The following TACC2 variants were observed in gnomAD, a reference collection of about 807,000 sequenced individuals.
The protein encoded by TACC2 is transforming acidic coiled-coil-containing protein 2.
In TACC2, 137 loss-of-function variants were observed where a neutral mutation model predicts 227.3. The ratio of observed to expected loss-of-function variants is 0.60; its 90% CI spans 0.52 to 0.69. The LOEUF is 0.69. Among genes scored for constraint, TACC2 ranks in the 30% least tolerant of loss-of-function variants. The pLI is 0.00. For synonymous variants in TACC2, 1,523 were observed against 1,487.5 expected (o/e 1.02, Z -0.55); for missense variants, 3,470 against 3,694.4 (o/e 0.94, Z 1.57).
In TACC2 at chr10:122,087,455, C is replaced by T; in HGVS notation, c.4955C>T (p.Thr1652Ile). 2 of 1,614,080 alleles carry T rather than the reference C, an allele frequency of 1.2e-6. No individual in the cohort carries two copies. The highest frequency in any genetic ancestry group is 1.7e-6 in the Non-Finnish European group (2 of 1,180,040). Residue 1652 changes from threonine to isoleucine, a missense_variant, in exon 4 of 23, where the codon ACC becomes ATC. This residue lies in a region of TACC2 where 1,924 missense variants were observed against 1,978.3 expected (regional missense o/e 0.97). Transcript: ENST00000369005. Reference sequence around the variant, plus strand: ...CCTGAGGCCAACAGTGAGCCCTGGACCCTTGACACGCTTGGGGGTGAAAGG... The same window carrying T: ...CCTGAGGCCAACAGTGAGCCCTGGATCCTTGACACGCTTGGGGGTGAAAGG... ...TVPEANSEPW[T>I]LDTLGGERRP...
chr10:122,214,797 A>G (rs2095366942), intron 9 of TACC2, among the ~76,000 whole-genome samples: 1 of 152,162 alleles, frequency 6.6e-6, no homozygotes, highest in African/African-American at 2.4e-5. Flanking sequence ...AGAAGACAAA[A>G]AAAATCATCT....
chr10:122,128,000 A>G lies in TACC2; in HGVS notation c.5574-4609A>G, dbSNP rs182300537. 1.2e-3 allele frequency among the ~76,000 whole-genome samples: 189 copies of G among 152,290 alleles called. 1 individual carries two copies. Among genetic ancestry groups the G allele is most frequent in the African/African-American group, 4.3e-3 (177 of 41,576 alleles). On this transcript the variant is annotated intron_variant, in intron 5 of 22. Transcript: ENST00000369005. The stretch of plus-strand genomic sequence containing the variant: ...TATGCACGTTCTGACACTCTCAGCC[A>G]TGTTTCTTAGCCTGTAGCCTGTTAG...
intron 7 of TACC2, among the ~76,000 whole-genome samples, chr10:122,177,210 A>C (rs952928116): frequency 6.6e-6 from 1 of 152,144 alleles, no homozygotes. Context: ...CTACAGTTGC[A>C]TTTTGGGGTG....
intron 2 of TACC2, among the ~76,000 whole-genome samples, chr10:122,034,433 A>G (rs1959553903): frequency 6.6e-6 from 1 of 152,150 alleles, no homozygotes; most frequent in African/African-American, 2.4e-5. Context: ...TGGAGGAGTG[A>G]GAACTAGAAC....
At position 122,209,987 on chromosome 10, in the gene TACC2, C is replaced by T. The variant is rs183891491; in HGVS notation, c.5972-410C>T. Reference sequence around the variant, plus strand: ...GATTACAGGTGTGAGACACCATGCCCGGCCCTGGTGGTTTATTCGCTATCT... The same window carrying T: ...GATTACAGGTGTGAGACACCATGCCTGGCCCTGGTGGTTTATTCGCTATCT... On this transcript the variant is annotated intron_variant, in intron 8 of 22. Coordinates refer to ENST00000369005, the MANE Select transcript of TACC2 (RefSeq NM_206862.4). This position sits in a 1 kb window ranked among gnomAD's most constrained non-coding sequence, Gnocchi z 4.5. The T allele has an allele frequency of 1.1e-4, 24 of 208,800 alleles. No individual in the cohort carries two copies. In the East Asian group the frequency reaches 2.1e-3, roughly 19 times the overall value. 12.9% of individuals were successfully genotyped at this position (208,800 alleles called of 1,614,324 possible).
chr10:122,088,089 A>G, intron 4 of TACC2, 130 bp downstream of exon 4: 1 of 1,000,196 alleles, frequency 1.0e-6, no homozygotes, highest in Non-Finnish European at 1.4e-6. Flanking sequence ...TCTAATTGCT[A>G]AATGAACCTG....
chr10:122,212,188 G>A (rs1421701561), intron 9 of TACC2, among the ~76,000 whole-genome samples: 4 of 152,208 alleles, frequency 2.6e-5, no homozygotes, highest in African/African-American at 9.7e-5. Context: ...TAGATTCCAG[G>A]AGGCTCAGGA....
intron 2 of TACC2, among the ~76,000 whole-genome samples, chr10:122,030,326 CAT>C (rs932293643): frequency 9.9e-5 from 15 of 152,276 alleles, no homozygotes; most frequent in African/African-American, 3.1e-4. Flanking sequence ...AGCAGAGACT[CAT>C]AGAAATGGAA....
rs1400059184 is a variant in TACC2, at chr10:122,086,280, C to T, written c.3780C>T (p.Asp1260=). 7 of 1,614,026 alleles carry T rather than the reference C, an allele frequency of 4.3e-6. No homozygotes were observed. In the East Asian group the frequency reaches 1.6e-4, roughly 36 times the overall value. The part of the protein sequence containing the change: ...DSGVKAVSSA[D]PRAPGESPCP... ...GAGTGAAAGCTGTTTCCTCTGCAGA[C>T]CCCAGAGCTCCTGGCGAAAGCCCCT... The change falls in exon 4 of 23, where the codon GAC becomes GAT. Residue 1260 remains aspartate, a synonymous_variant. Coordinates refer to ENST00000369005, the MANE Select transcript of TACC2 (RefSeq NM_206862.4).
intron 16 of TACC2, among the ~76,000 whole-genome samples, chr10:122,236,108 G>A (rs373376064): frequency 7.9e-5 from 12 of 152,102 alleles, no homozygotes; most frequent in East Asian, 7.7e-4. Context: ...CTCCCTTCTC[G>A]GGTTCATTTT....
At chr10:122,243,524 T>G (rs1362497700) in intron 19 of TACC2, among the ~76,000 whole-genome samples, 1 of 152,230 alleles carries the variant, frequency 6.6e-6, no homozygotes, top group Non-Finnish European at 1.5e-5. Context: ...AAAGAAGCCC[T>G]TTCATGTTTA....
chr10:122,208,607 A>C (rs2095204014), intron 8 of TACC2, among the ~76,000 whole-genome samples: 1 of 152,234 alleles, frequency 6.6e-6, no homozygotes, highest in South Asian at 2.1e-4. Context: ...ATTAAATCTG[A>C]ATCTTAGATA....
intron 2 of TACC2, among the ~76,000 whole-genome samples, chr10:122,041,937 G>C (rs1306692785): frequency 6.6e-6 from 1 of 151,976 alleles, no homozygotes; most frequent in Non-Finnish European, 1.5e-5. Flanking sequence ...GGGAGGAGCT[G>C]TTCTTTTCTT....
At chr10:122,249,396 T>TGGTGTTCTCATGGGCTC in intron 21 of TACC2, 148 bp from the exon 22 acceptor site, 1 of 1,126,300 alleles carries the variant, frequency 8.9e-7, no homozygotes, top group East Asian at 2.5e-5. Flanking sequence ...GAATTGGGTT[T>TGGTGTTCTCATGGGCTC]GGTGTTCTCA....
At chr10:122,204,958 C>T (rs1433778346) in intron 8 of TACC2, among the ~76,000 whole-genome samples, 2 of 152,142 alleles carry the variant, frequency 1.3e-5, no homozygotes. Flanking sequence ...CTCCTGGGTG[C>T]CTTCTTACTT....
intron 3 of TACC2, among the ~76,000 whole-genome samples, chr10:122,062,989 G>A (rs1176802703): frequency 1.3e-5 from 2 of 152,172 alleles, no homozygotes; most frequent in African/African-American, 4.8e-5. Flanking sequence ...AGGTCACACA[G>A]ACAGAATGTG....
At position 122,254,334 on chromosome 10, in the gene TACC2, C is replaced by T; in HGVS notation, c.*278C>T. 1 of 460,198 alleles carries T rather than the reference C, an allele frequency of 2.2e-6. No homozygotes were observed. The allele number at this position is 460,198 out of a possible 1,614,324, so 28.5% of individuals were successfully genotyped here. On this transcript the variant is annotated 3_prime_UTR_variant, in exon 23 of 23. Coordinates refer to ENST00000369005, the MANE Select transcript of TACC2 (RefSeq NM_206862.4). ...TGATTCTCTAATAAAAGACACATTG[C>T]TGACCTTGGCCTTGCCCTTTGTACA...
chr10:121,995,654 C>T (rs948277881), intron 1 of TACC2, among the ~76,000 whole-genome samples: 3 of 152,164 alleles, frequency 2.0e-5, no homozygotes, highest in Non-Finnish European at 4.4e-5. Flanking sequence ...ACCCACTTGG[C>T]GTCTGCTGCC....
intron 2 of TACC2, among the ~76,000 whole-genome samples, chr10:122,037,722 G>A (rs1172914505): frequency 2.0e-5 from 3 of 152,192 alleles, no homozygotes; most frequent in Admixed American, 2.0e-4. Flanking sequence ...TTCAAGCTCA[G>A]GGTATTGGGT....
Sources: allele counts gnomAD v4.1 joint callset (sites outside exome capture counted in the v4.1 genomes callset), GRCh38; gene constraint gnomAD v4.1.1; regional missense constraint gnomAD v4.1.1; non-coding constraint Gnocchi (gnomAD v3.1); transcripts MANE v1.5; gene names NCBI Gene and HGNC (gene_info 2026-07-23, HGNC 2026-07-21).